Variants in NRG1 observed in about 807,000 individuals in gnomAD.
NRG1 encodes neuregulin 1.
A neutral mutation model predicts 63.8 loss-of-function variants in NRG1; 18 were observed. That is an observed-to-expected ratio of 0.28 (90% CI 0.19 to 0.42). The LOEUF (loss-of-function observed/expected upper bound fraction) is 0.42. Ranked by LOEUF, NRG1 falls within the 10% of genes least tolerant of loss-of-function variation. NRG1 has a pLI of 1.00. For missense variants in NRG1, 762 were observed against 814.7 expected, an observed-to-expected ratio of 0.94 and a Z score of 0.79; for synonymous variants, 302 against 301.3, an observed-to-expected ratio of 1.00 and a Z score of -0.02.
At chr8:31,738,874 T>A (rs1352671350) in intron 1 of NRG1, among the ~76,000 whole-genome samples, 2 of 152,092 alleles carry the variant, frequency 1.3e-5, no homozygotes, top group African/African-American at 4.8e-5. Context: ...CCAAATTGGA[T>A]TAAGGGTCTA....
intron 1 of NRG1, among the ~76,000 whole-genome samples, chr8:32,146,967 G>A (rs573553186): frequency 6.6e-6 from 1 of 152,250 alleles, no homozygotes; most frequent in East Asian, 1.9e-4. Context: ...ATATTATCAT[G>A]AGAATTTAAT....
intron 1 of NRG1, among the ~76,000 whole-genome samples, chr8:32,219,834 C>A (rs1210527948): frequency 6.6e-6 from 1 of 152,140 alleles, no homozygotes. Flanking sequence ...TTGTTTAATT[C>A]TTTAGTAATG....
chr8:32,537,727 A>G (rs1832159616), intron 1 of NRG1, among the ~76,000 whole-genome samples: 2 of 152,240 alleles, frequency 1.3e-5, no homozygotes, highest in South Asian at 4.1e-4. Context: ...AGTCAATATT[A>G]TAATCCTCAT....
At chr8:31,810,211 C>T (rs558076344) in intron 1 of NRG1, among the ~76,000 whole-genome samples, 1 of 152,290 alleles carries the variant, frequency 6.6e-6, no homozygotes, top group Admixed American at 6.5e-5. Context: ...AAGTCACCAT[C>T]ATCTTTCACT....
At chr8:32,738,290 G>GA (rs1825581403) in intron 6 of NRG1, among the ~76,000 whole-genome samples, 1 of 151,756 alleles carries the variant, frequency 6.6e-6, no homozygotes, top group Non-Finnish European at 1.5e-5. Context: ...CCTAAGTTCA[G>GA]AAAAAACTGT....
At chr8:32,421,489 G>C (rs1030075981) in intron 1 of NRG1, among the ~76,000 whole-genome samples, 3 of 152,180 alleles carry the variant, frequency 2.0e-5, no homozygotes, top group Non-Finnish European at 4.4e-5. Context: ...GATGAGTGAG[G>C]TCATGTTAAT....
At chr8:32,103,665 C>T (rs754191080) in intron 1 of NRG1, among the ~76,000 whole-genome samples, 6 of 152,156 alleles carry the variant, frequency 3.9e-5, no homozygotes, top group Non-Finnish European at 7.4e-5. Context: ...TCTAGAACCT[C>T]CTCTTGGGGA....
chr8:32,443,054 C>T (rs535935347), intron 1 of NRG1, among the ~76,000 whole-genome samples: 1 of 151,990 alleles, frequency 6.6e-6, no homozygotes, highest in Non-Finnish European at 1.5e-5. Flanking sequence ...TCCATCTTAG[C>T]CTCCCAAGTA....
Position 31,640,482 on chromosome 8 carries a change from G to A in NRG1, c.37+1051G>A, listed in dbSNP as rs1306257041. ...CGCCCTATCTGGTGAAGGTGCACCAGGTGTGGGCGGTGAAAGCCGGGGGCT... is the reference window on the plus strand; with the variant it reads ...CGCCCTATCTGGTGAAGGTGCACCAAGTGTGGGCGGTGAAAGCCGGGGGCT... On this transcript the variant is annotated intron_variant, in intron 1 of 10. Coordinates refer to the NRG1 transcript ENST00000519301. The surrounding 1 kb of genome is among the most constrained non-coding windows in gnomAD (Gnocchi z 6.3). 1 of 1,607,792 alleles carries A rather than the reference G, an allele frequency of 6.2e-7. No homozygotes were observed. The highest frequency in any genetic ancestry group is 2.2e-5 in the East Asian group (1 of 44,598).
At chr8:32,245,888 TAAATGCCTCTCTTTTAGAGGTCCCAA>T (rs536729902) in intron 1 of NRG1, among the ~76,000 whole-genome samples, 1 of 152,242 alleles carries the variant, frequency 6.6e-6, no homozygotes, top group South Asian at 2.1e-4. Flanking sequence ...TAAATTTCAG[TAAATGCCTCTCTTTTAGAGGTCCCAA>T]AAATATCTCA....
At chr8:32,747,169 T>A (rs925359263) in intron 7 of NRG1, among the ~76,000 whole-genome samples, 13 of 152,172 alleles carry the variant, frequency 8.5e-5, no homozygotes, top group African/African-American at 3.1e-4. Context: ...GCTACTAATT[T>A]TATTGAAGAC....
intron 1 of NRG1, among the ~76,000 whole-genome samples, chr8:32,502,372 T>A (rs1490147750): frequency 6.7e-6 from 1 of 148,836 alleles, no homozygotes; most frequent in Non-Finnish European, 1.5e-5. Context: ...TACAATCACC[T>A]CCCACCAGAG....
At chr8:31,800,845 T>C (rs1023099634) in intron 1 of NRG1, among the ~76,000 whole-genome samples, 1 of 138,080 alleles carries the variant, frequency 7.2e-6, no homozygotes, top group Non-Finnish European at 1.6e-5. Flanking sequence ...TTCTTTTTTT[T>C]TTTTTTTTTT....
chr8:31,685,049 A>G (rs1473604486), intron 1 of NRG1, among the ~76,000 whole-genome samples: 2 of 152,164 alleles, frequency 1.3e-5, no homozygotes, highest in Admixed American at 6.6e-5. Context: ...ATGAGATTTC[A>G]TATGCTCGTT....
chr8:32,385,834 C>G (rs902990425), intron 1 of NRG1, among the ~76,000 whole-genome samples: 6 of 152,152 alleles, frequency 3.9e-5, no homozygotes, highest in East Asian at 3.9e-4. Flanking sequence ...GTTAAAGCAG[C>G]CTGTGTGTTT....
At chr8:32,037,595 A>G (rs915413190) in intron 1 of NRG1, among the ~76,000 whole-genome samples, 1 of 152,208 alleles carries the variant, frequency 6.6e-6, no homozygotes, top group Admixed American at 6.5e-5. Flanking sequence ...CAGGGAGATC[A>G]GAGTTCTGTT....
chr8:32,100,648 A>G lies in NRG1; in HGVS notation c.37+461217A>G, dbSNP rs1015951208. Among the ~76,000 whole-genome samples the G allele has an allele frequency of 2.0e-5, 3 of 152,302 alleles. No homozygotes were observed. The East Asian group carries it at 5.8e-4, about 29-fold the overall frequency. Reference sequence around the variant, plus strand: ...AAAGCCATTTTTATTAAATATAAGAAAGTGGAGCAAATTTGCGTCCTTTTT... The same window carrying G: ...AAAGCCATTTTTATTAAATATAAGAGAGTGGAGCAAATTTGCGTCCTTTTT... On this transcript the variant is annotated intron_variant, in intron 1 of 10. Coordinates refer to the NRG1 transcript ENST00000519301.
chr8:32,115,512 A>C (rs1832600389), intron 1 of NRG1, among the ~76,000 whole-genome samples: 1 of 152,130 alleles, frequency 6.6e-6, no homozygotes, highest in Non-Finnish European at 1.5e-5. Flanking sequence ...ATCATCATAA[A>C]GTCTTCCTCG....
At chr8:32,102,687 A>G (rs1830728087) in intron 1 of NRG1, among the ~76,000 whole-genome samples, 1 of 152,200 alleles carries the variant, frequency 6.6e-6, no homozygotes, top group Non-Finnish European at 1.5e-5. Flanking sequence ...TCTTCCAGGT[A>G]TACCAAGGAC....
Sources: allele counts gnomAD v4.1 joint callset (sites outside exome capture counted in the v4.1 genomes callset), GRCh38; gene constraint gnomAD v4.1.1; non-coding constraint Gnocchi (gnomAD v3.1); transcripts MANE v1.5; gene names NCBI Gene and HGNC (gene_info 2026-07-23, HGNC 2026-07-21).